PLGRKT: variants seen among roughly 807,000 people sequenced by gnomAD.
PLGRKT encodes the protein plasminogen receptor with a C-terminal lysine, also known as plasminogen receptor (KT).
In PLGRKT, 22 loss-of-function variants were observed where a neutral mutation model predicts 18.5. The observed-to-expected ratio is 1.19, with a 90% CI of 0.85 to 1.70. The LOEUF is 1.70. Ranked by LOEUF, PLGRKT falls within the 40% of genes most tolerant of loss-of-function variation. PLGRKT has a pLI of 0.00. For synonymous variants in PLGRKT, 72 were observed against 52.8 expected (o/e 1.36, Z -1.58); for missense variants, 235 against 174.4 (o/e 1.35, Z -1.96).
In PLGRKT at chr9:5,361,689, T is replaced by G. The variant is rs1346966799; in HGVS notation, c.212+69A>C. ...CAAAGTCTTATTCTGGCCAACTTCA[T>G]AATAAAATGGTAATGGAAAACACAA... On this transcript the variant is annotated intron_variant, in intron 4 of 5. Coordinates refer to ENST00000223864, the MANE Select transcript of PLGRKT (RefSeq NM_018465.4). 3 of 1,463,926 alleles carry G rather than the reference T, an allele frequency of 2.0e-6. No homozygotes were observed. The South Asian group carries it at 3.7e-5, about 18-fold the overall frequency. The allele number at this position is 1,463,926 out of a possible 1,614,324, so 90.7% of individuals were successfully genotyped here. A position where few individuals can be genotyped will look rare whatever the true frequency, so the allele number is the denominator to read the frequency against.
At chr9:5,371,426 T>C (rs1817512872) in intron 3 of PLGRKT, among the ~76,000 whole-genome samples, 1 of 152,026 alleles carries the variant, frequency 6.6e-6, no homozygotes, top group South Asian at 2.1e-4. Flanking sequence ...GTTTTTCCCA[T>C]GCTATTCTCA....
rs756279325 is a variant in PLGRKT at position 5,431,902 on chromosome 9, GTC to G, written c.74_75del (p.Arg25ProfsTer12). On this transcript the variant is annotated frameshift_variant, in exon 3 of 6. Coordinates refer to ENST00000223864, the MANE Select transcript of PLGRKT (RefSeq NM_018465.4). LOFTEE classifies it high-confidence loss of function. The stretch of plus-strand genomic sequence containing the variant: ...TTAATTATTTTAAAACATACCTGAA[GTC>G]GAGCATTCATAAGCATGAACTCCTT... ...NQKEFMLMNARLQLERQLIMQ... is the reference protein window; with the variant it reads ...NQKEFMLMNAXLQLERQLIMQ... The G allele has an allele frequency of 6.8e-7, 1 of 1,460,462 alleles. No homozygotes were observed. Among genetic ancestry groups the G allele is most frequent in the African/African-American group, 1.4e-5 (1 of 72,034 alleles). 90.5% of individuals were successfully genotyped at this position (1,460,462 alleles called of 1,614,324 possible).
chr9:5,428,729 G>T (rs536589325), intron 3 of PLGRKT, among the ~76,000 whole-genome samples: 1 of 152,078 alleles, frequency 6.6e-6, no homozygotes. Context: ...ATAGGGTCTC[G>T]CTCTGTCAAC....
chr9:5,401,754 T>C (rs1217239401), intron 3 of PLGRKT, among the ~76,000 whole-genome samples: 1 of 151,964 alleles, frequency 6.6e-6, no homozygotes, highest in Non-Finnish European at 1.5e-5. Flanking sequence ...AGAGTTGTAG[T>C]TCTAAAATTT....
At chr9:5,392,839 T>G (rs1045360581) in intron 3 of PLGRKT, among the ~76,000 whole-genome samples, 1 of 151,688 alleles carries the variant, frequency 6.6e-6, no homozygotes, top group Non-Finnish European at 1.5e-5. Context: ...TTATTTCATT[T>G]TATTATTATT....
chr9:5,389,106 G>A (rs1385281559), intron 3 of PLGRKT, among the ~76,000 whole-genome samples: 1 of 151,900 alleles, frequency 6.6e-6, no homozygotes. Context: ...ATATTTGGAG[G>A]AGGGCCCAAA....
chr9:5,424,489 T>C (rs1818645725), intron 3 of PLGRKT, among the ~76,000 whole-genome samples: 3 of 128,522 alleles, frequency 2.3e-5, no homozygotes, highest in Non-Finnish European at 4.7e-5. Context: ...AAATATAATA[T>C]ATATTATTAA....
intron 3 of PLGRKT, among the ~76,000 whole-genome samples, chr9:5,420,828 T>G (rs1379363847): frequency 6.6e-6 from 1 of 152,200 alleles, no homozygotes; most frequent in African/African-American, 2.4e-5. Flanking sequence ...TTTCAAGATG[T>G]TGGTACAGCC....
At chr9:5,424,263 T>C (rs1284749942) in intron 3 of PLGRKT, among the ~76,000 whole-genome samples, 1 of 137,716 alleles carries the variant, frequency 7.3e-6, no homozygotes, top group Non-Finnish European at 1.5e-5. Flanking sequence ...ATACACTATA[T>C]GTCATATATT....
intron 3 of PLGRKT, among the ~76,000 whole-genome samples, chr9:5,377,217 T>C (rs1455597489): frequency 6.6e-6 from 1 of 150,662 alleles, no homozygotes. Flanking sequence ...AAGCATAATA[T>C]AAAATTCTTT....
At chr9:5,393,831 G>A (rs1345095165) in intron 3 of PLGRKT, among the ~76,000 whole-genome samples, 1 of 151,860 alleles carries the variant, frequency 6.6e-6, no homozygotes, top group Non-Finnish European at 1.5e-5. Flanking sequence ...TGATTCCAAA[G>A]AGAATAGATT....
intron 3 of PLGRKT, among the ~76,000 whole-genome samples, chr9:5,427,633 C>A (rs1818728567): frequency 1.3e-5 from 2 of 152,200 alleles, no homozygotes; most frequent in Non-Finnish European, 2.9e-5. Context: ...GGCTTCAGTA[C>A]AATCCATGGT....
At chr9:5,409,616 C>G (rs1251080592) in intron 3 of PLGRKT, among the ~76,000 whole-genome samples, 1 of 152,212 alleles carries the variant, frequency 6.6e-6, no homozygotes, top group Non-Finnish European at 1.5e-5. Flanking sequence ...TCAACACCAG[C>G]CCATGAGAGC....
At chr9:5,369,068 C>T (rs1817459116) in intron 3 of PLGRKT, among the ~76,000 whole-genome samples, 2 of 152,142 alleles carry the variant, frequency 1.3e-5, no homozygotes, top group African/African-American at 4.8e-5. Context: ...ATGACTAAAA[C>T]ACCAAAAGCA....
intron 3 of PLGRKT, 124 bp from the exon 4 acceptor site, chr9:5,362,012 T>C (rs920563462): frequency 2.1e-6 from 2 of 947,212 alleles, no homozygotes; most frequent in Admixed American, 5.4e-5. Context: ...TTCAAAAAAA[T>C]CTCAACAGAC....
At chr9:5,421,222 C>T (rs1232381643) in intron 3 of PLGRKT, among the ~76,000 whole-genome samples, 1 of 152,222 alleles carries the variant, frequency 6.6e-6, no homozygotes, top group East Asian at 1.9e-4. Context: ...GTTCTCCCAG[C>T]TCAGTGTCTC....
At position 5,361,629 on chromosome 9, in the gene PLGRKT, T is replaced by C. The variant is rs556876866; in HGVS notation, c.212+129A>G. ...CAGAGTTACCCCCAAGGACTAAGGT[T>C]AATAGGTTACTTTGGTTACATACAC... On this transcript the variant is annotated intron_variant, in intron 4 of 5. Transcript: ENST00000223864. 3.7e-6 allele frequency: 3 copies of C among 805,418 alleles called. No homozygotes were observed. The Admixed American group carries it at 8.6e-5, about 23-fold the overall frequency. The allele number at this position is 805,418 out of a possible 1,614,324, so 49.9% of individuals were successfully genotyped here. A position where few individuals can be genotyped will look rare whatever the true frequency, so the allele number is the denominator to read the frequency against.
intron 3 of PLGRKT, among the ~76,000 whole-genome samples, chr9:5,397,332 A>G (rs1271170755): frequency 1.3e-5 from 2 of 151,920 alleles, no homozygotes; most frequent in Non-Finnish European, 2.9e-5. Context: ...TTCCAAAGGC[A>G]GCTCTTCCCT....
chr9:5,411,413 A>G (rs1818363992), intron 3 of PLGRKT, among the ~76,000 whole-genome samples: 1 of 151,896 alleles, frequency 6.6e-6, no homozygotes, highest in African/African-American at 2.4e-5. Flanking sequence ...AAGAAAAGAA[A>G]AGAGGGAAAC....
Sources: allele counts gnomAD v4.1 joint callset (sites outside exome capture counted in the v4.1 genomes callset), GRCh38; gene constraint gnomAD v4.1.1; transcripts MANE v1.5; gene names NCBI Gene and HGNC (gene_info 2026-07-23, HGNC 2026-07-21).